C16orf74: variants seen among roughly 807,000 people sequenced by gnomAD.
C16orf74 encodes the protein calcimembrin, also known as uncharacterized protein C16orf74.
Under a neutral mutation model 6.5 loss-of-function variants are expected in C16orf74, and 10 were observed. The ratio of observed to expected loss-of-function variants is 1.54; its 90% CI spans 0.95 to 2.61. C16orf74 has a LOEUF of 2.61. Among genes scored for constraint, C16orf74 ranks in the 30% most tolerant of loss-of-function variants. The pLI, the probability that C16orf74 is intolerant of heterozygous loss-of-function variation, is 0.00. For missense variants in C16orf74, 141 were observed against 105.9 expected (o/e 1.33, Z -1.45); for synonymous variants, 60 against 42.5 (o/e 1.41, Z -1.60).
intron 1 of C16orf74, among the ~76,000 whole-genome samples, chr16:85,749,684 G>C (rs1054894589): frequency 3.9e-5 from 6 of 152,234 alleles, no homozygotes; most frequent in Non-Finnish European, 8.8e-5. Context: ...GGAGTGCTCC[G>C]TAAGCATGAA....
At chr16:85,748,782 G>C (rs896854628) in intron 1 of C16orf74, among the ~76,000 whole-genome samples, 1 of 152,106 alleles carries the variant, frequency 6.6e-6, no homozygotes, top group African/African-American at 2.4e-5. Context: ...CTGGTCTGCG[G>C]GGTCTCAATT....
intron 2 of C16orf74, among the ~76,000 whole-genome samples, chr16:85,721,637 C>T (rs1269258967): frequency 3.3e-5 from 5 of 152,226 alleles, no homozygotes; most frequent in African/African-American, 1.2e-4. Flanking sequence ...GGCAGCTCTA[C>T]ATGGGGCTGT....
At chr16:85,714,470 A>G (rs1324291855) in intron 2 of C16orf74, among the ~76,000 whole-genome samples, 2 of 151,606 alleles carry the variant, frequency 1.3e-5, no homozygotes, top group African/African-American at 4.9e-5. Context: ...CCCAGGCTGG[A>G]ATGCAGTAGC....
chr16:85,744,879 C>T (rs936979174), intron 1 of C16orf74, among the ~76,000 whole-genome samples: 1 of 145,544 alleles, frequency 6.9e-6, no homozygotes, highest in African/African-American at 2.6e-5. Context: ...CAGTGGTTTA[C>T]GCCTGTAATA....
intron 2 of C16orf74, among the ~76,000 whole-genome samples, chr16:85,715,991 C>T (rs145268080): frequency 3.5e-5 from 5 of 144,164 alleles, no homozygotes; most frequent in East Asian, 3.9e-4. Context: ...CGGAGGCCCC[C>T]GACAAAAGGA....
At chr16:85,716,520 G>C (rs938157047) in intron 2 of C16orf74, among the ~76,000 whole-genome samples, 23 of 140,034 alleles carry the variant, frequency 1.6e-4, no homozygotes. Flanking sequence ...GGAGGAGACA[G>C]GGGAGAAGGA....
chr16:85,709,712 G>A (rs2053948500), intron 3 of C16orf74, among the ~76,000 whole-genome samples: 2 of 152,126 alleles, frequency 1.3e-5, no homozygotes, highest in Admixed American at 6.5e-5. Context: ...TTTCCTCGCC[G>A]CTCCCAGCAG....
intron 2 of C16orf74, among the ~76,000 whole-genome samples, chr16:85,725,431 G>A (rs1330976163): frequency 1.3e-5 from 2 of 152,200 alleles, no homozygotes; most frequent in African/African-American, 4.8e-5. Context: ...CACCTAGGAG[G>A]CCTCCTAGAG....
chr16:85,746,586 C>T (rs1487235345), intron 1 of C16orf74, among the ~76,000 whole-genome samples: 1 of 152,158 alleles, frequency 6.6e-6, no homozygotes. Context: ...GCACCTTGCC[C>T]TGCTTGCCTA....
intron 2 of C16orf74, among the ~76,000 whole-genome samples, chr16:85,723,914 C>T (rs1016226135): frequency 5.3e-5 from 8 of 152,246 alleles, no homozygotes; most frequent in Non-Finnish European, 1.2e-4. Flanking sequence ...CCGCGATGCC[C>T]TGGCCCAGGA....
intron 2 of C16orf74, among the ~76,000 whole-genome samples, chr16:85,734,060 A>T (rs2054218824): frequency 6.6e-6 from 1 of 151,914 alleles, no homozygotes; most frequent in South Asian, 2.1e-4. Context: ...TCCTTACTTC[A>T]CTTTTCCTGT....
chr16:85,735,766 G>C (rs1354807427), intron 1 of C16orf74, among the ~76,000 whole-genome samples: 2 of 152,038 alleles, frequency 1.3e-5, no homozygotes, highest in African/African-American at 4.8e-5. Context: ...CCAGCCCACG[G>C]GTATTAGAAT....
At chr16:85,749,909 G>T (rs1055911680) in intron 1 of C16orf74, among the ~76,000 whole-genome samples, 1 of 152,134 alleles carries the variant, frequency 6.6e-6, no homozygotes, top group South Asian at 2.1e-4. Flanking sequence ...ATAAATACAC[G>T]GCCTCCTCCC....
At chr16:85,721,047 C>T (rs919529493) in intron 2 of C16orf74, among the ~76,000 whole-genome samples, 4 of 152,168 alleles carry the variant, frequency 2.6e-5, no homozygotes, top group Middle Eastern at 3.4e-3. Flanking sequence ...ACCAAGATCG[C>T]GCCACTGCAC....
chr16:85,708,102 C>A, intron 3 of C16orf74, 36 bp from the exon 4 acceptor site: 1 of 1,512,916 alleles, frequency 6.6e-7, no homozygotes, highest in Non-Finnish European at 9.0e-7. Context: ...TGGATGCACC[C>A]TGCCCCCACC....
At chr16:85,715,467 G>A (rs1430353743) in intron 2 of C16orf74, among the ~76,000 whole-genome samples, 1 of 152,132 alleles carries the variant, frequency 6.6e-6, no homozygotes, top group Non-Finnish European at 1.5e-5. Flanking sequence ...TCCCCAGACT[G>A]GAATCTGGCT....
intron 1 of C16orf74, among the ~76,000 whole-genome samples, chr16:85,745,108 T>G (rs1039553449): frequency 1.7e-5 from 2 of 115,620 alleles, no homozygotes; most frequent in African/African-American, 7.0e-5. Context: ...ACCATTGCAC[T>G]CCAGCCTGGG....
intron 2 of C16orf74, among the ~76,000 whole-genome samples, chr16:85,718,934 C>T (rs984544111): frequency 1.3e-5 from 2 of 152,244 alleles, no homozygotes; most frequent in Non-Finnish European, 2.9e-5. Context: ...TGCGGTCACG[C>T]AGCTGGAGTG....
intron 2 of C16orf74, among the ~76,000 whole-genome samples, chr16:85,732,788 G>A (rs2054204127): frequency 6.6e-6 from 1 of 152,164 alleles, no homozygotes; most frequent in Middle Eastern, 3.2e-3. Context: ...GGGGTGGGCA[G>A]GGGCCGGCAG....
Sources: gnomAD v4.1 joint callset for allele counts (sites outside exome capture counted in the v4.1 genomes callset) on GRCh38, gnomAD v4.1.1 for gene constraint, MANE v1.5 for transcripts, NCBI Gene and HGNC (gene_info 2026-07-23, HGNC 2026-07-21) for gene names.